IL1RAPL1: variants seen among roughly 807,000 people sequenced by gnomAD.
IL1RAPL1 encodes the protein interleukin 1 receptor accessory protein like 1.
Under a neutral mutation model 48.4 loss-of-function variants are expected in IL1RAPL1, and 3 were observed. The observed-to-expected ratio is 0.06, with a 90% CI of 0.03 to 0.16. The LOEUF (loss-of-function observed/expected upper bound fraction) is 0.16, where lower values mean the gene tolerates loss of function less well. Ranked by LOEUF, IL1RAPL1 falls within the 10% of genes least tolerant of loss-of-function variation. The pLI is 1.00. For missense variants in IL1RAPL1, 349 were observed against 530.6 expected (o/e 0.66, Z 3.36); for synonymous variants, 185 against 187.7 (o/e 0.99, Z 0.12).
At chrX:29,592,227 G>T (rs1004409893) in intron 5 of IL1RAPL1, among the ~76,000 whole-genome samples, 1 of 111,556 alleles carries the variant, frequency 9.0e-6, no homozygotes, top group African/African-American at 3.3e-5. Context: ...TGATAACTCT[G>T]TTGCTTTATT....
chrX:29,073,103 G>C (rs963405108), intron 2 of IL1RAPL1, among the ~76,000 whole-genome samples: 4 of 112,023 alleles, frequency 3.6e-5, no homozygotes, highest in Admixed American at 9.5e-5. Flanking sequence ...ATGAGGGAGG[G>C]AAGTGGAGAT....
At chrX:29,671,617 T>C (rs962221469) in intron 6 of IL1RAPL1, among the ~76,000 whole-genome samples, 2 of 112,122 alleles carry the variant, frequency 1.8e-5, no homozygotes, top group Non-Finnish European at 3.8e-5. Context: ...GAAATTTCAC[T>C]GTACAGTTCT....
At chrX:28,891,179 T>C (rs181684822) in intron 2 of IL1RAPL1, among the ~76,000 whole-genome samples, 67 of 111,973 alleles carry the variant, frequency 6.0e-4, no homozygotes, top group African/African-American at 2.1e-3. Context: ...GTCTCTGAGT[T>C]TACTTGGTCT....
chrX:29,567,217 CA>C (rs200981365), intron 5 of IL1RAPL1, among the ~76,000 whole-genome samples: 1,354 of 98,268 alleles, frequency 0.014, 17 homozygotes, highest in African/African-American at 0.044. Flanking sequence ...AGACTACCTA[CA>C]AAAAAAAAAA....
chrX:29,667,144 T>G (rs1926023352), intron 5 of IL1RAPL1, among the ~76,000 whole-genome samples: 1 of 112,365 alleles, frequency 8.9e-6, no homozygotes, highest in Admixed American at 9.4e-5. Flanking sequence ...TGTCCTCTTG[T>G]TAAATAGTAA....
chrX:29,352,254 T>C (rs1283281661), intron 3 of IL1RAPL1, among the ~76,000 whole-genome samples: 1 of 111,133 alleles, frequency 9.0e-6, no homozygotes, highest in Non-Finnish European at 1.9e-5. Context: ...CTTTTTGTGT[T>C]TAGTTGTTTT....
chrX:29,802,977 A>G (rs1930023917), intron 6 of IL1RAPL1, among the ~76,000 whole-genome samples: 1 of 75,758 alleles, frequency 1.3e-5, no homozygotes, highest in Admixed American at 1.5e-4. Flanking sequence ...ACATATATAC[A>G]TACATGTGTA....
At chrX:29,719,637 A>G (rs1234373327) in intron 6 of IL1RAPL1, among the ~76,000 whole-genome samples, 2 of 108,306 alleles carry the variant, frequency 1.8e-5, no homozygotes, top group East Asian at 5.9e-4. Context: ...AGCTCTCAGG[A>G]TAAGTTGGGG....
chrX:28,985,407 A>G (rs1375658568), intron 2 of IL1RAPL1, among the ~76,000 whole-genome samples: 1 of 111,917 alleles, frequency 8.9e-6, no homozygotes, highest in East Asian at 2.8e-4. Flanking sequence ...ACGCATGGCC[A>G]TTAGAAACTA....
chrX:29,708,128 CAA>C (rs1303391576), intron 6 of IL1RAPL1, among the ~76,000 whole-genome samples: 1 of 110,313 alleles, frequency 9.1e-6, no homozygotes, highest in Non-Finnish European at 1.9e-5. Flanking sequence ...TTTTAAGTGA[CAA>C]ATAATAATTG....
intron 2 of IL1RAPL1, among the ~76,000 whole-genome samples, chrX:29,225,970 G>A (rs1931070364): frequency 9.0e-6 from 1 of 111,305 alleles, no homozygotes; most frequent in African/African-American, 3.3e-5. Flanking sequence ...TTGGGAGGGG[G>A]GGACCATTAA....
rs1317382503 is a variant in IL1RAPL1, at chrX:29,909,214, AAAAAT to A, written c.779-8240_779-8236del. ...ACATAGGGAGACCCTGTCTCTATTT[AAAAAT>A]AAAATAAAAAATTAGCTAGGCACAC... On this transcript the variant is annotated intron_variant, in intron 6 of 10. Transcript: ENST00000378993. 2.7e-5 allele frequency among the ~76,000 whole-genome samples: 3 copies of A among 111,269 alleles called. No homozygotes were observed. The Admixed American group carries it at 2.9e-4, about 11-fold the overall frequency.
chrX:29,952,826 TAA>T (rs1441452167), intron 9 of IL1RAPL1, among the ~76,000 whole-genome samples: 2 of 112,474 alleles, frequency 1.8e-5, no homozygotes, highest in African/African-American at 6.4e-5. Context: ...AGCTGCTGTT[TAA>T]AAAACTCTTC....
chrX:29,082,729 T>G (rs906260281), intron 2 of IL1RAPL1, among the ~76,000 whole-genome samples: 2 of 111,746 alleles, frequency 1.8e-5, no homozygotes, highest in Non-Finnish European at 3.8e-5. Context: ...TGAAATCATG[T>G]TCTGTCAAGT....
At chrX:28,599,408 C>T (rs1256268977) in intron 1 of IL1RAPL1, among the ~76,000 whole-genome samples, 3 of 110,164 alleles carry the variant, frequency 2.7e-5, no homozygotes, top group Non-Finnish European at 5.7e-5. Flanking sequence ...TCCAAAGTGC[C>T]CCTCCAACTC....
intron 3 of IL1RAPL1, among the ~76,000 whole-genome samples, chrX:29,290,769 A>G (rs1427069776): frequency 2.7e-5 from 3 of 111,587 alleles, no homozygotes; most frequent in Non-Finnish European, 5.6e-5. Flanking sequence ...GGGCCTCTCC[A>G]TGTGCTTTTT....
intron 3 of IL1RAPL1, among the ~76,000 whole-genome samples, chrX:29,393,421 A>G (rs1414332865): frequency 8.9e-6 from 1 of 111,847 alleles, no homozygotes; most frequent in African/African-American, 3.2e-5. Flanking sequence ...GCGCCCTGCC[A>G]ACTTTCCCTA....
chrX:28,970,033 T>C (rs768748018), intron 2 of IL1RAPL1, among the ~76,000 whole-genome samples: 1 of 110,161 alleles, frequency 9.1e-6, no homozygotes, highest in Non-Finnish European at 1.9e-5. Context: ...AAAGTTTTGC[T>C]CTTGTTGCCC....
chrX:29,078,902 G>A (rs1478990734), intron 2 of IL1RAPL1, among the ~76,000 whole-genome samples: 2 of 111,538 alleles, frequency 1.8e-5, no homozygotes, highest in Admixed American at 1.9e-4. Flanking sequence ...AACTCAGGAG[G>A]GGTATAGCAA....
Sources: gnomAD v4.1 joint callset for allele counts (sites outside exome capture counted in the v4.1 genomes callset) on GRCh38, gnomAD v4.1.1 for gene constraint, MANE v1.5 for transcripts, NCBI Gene and HGNC (gene_info 2026-07-23, HGNC 2026-07-21) for gene names.